Variants in TEX9 observed in about 807,000 individuals in gnomAD.
The protein encoded by TEX9 is testis expressed 9.
Under a neutral mutation model 59.6 loss-of-function variants are expected in TEX9, and 74 were observed. That is an observed-to-expected ratio of 1.24 (90% CI 1.03 to 1.51). The LOEUF (loss-of-function observed/expected upper bound fraction) is 1.51. Ranked by LOEUF, TEX9 falls within the 40% of genes most tolerant of loss-of-function variation. The pLI, the probability that TEX9 is intolerant of heterozygous loss-of-function variation, is 0.00. For synonymous variants in TEX9, 186 were observed against 152.2 expected (o/e 1.22, Z -1.64); for missense variants, 522 against 447.8 (o/e 1.17, Z -1.49).
chr15:56,337,161 A>T (rs2046272877), intron 1 of TEX9, among the ~76,000 whole-genome samples: 1 of 152,146 alleles, frequency 6.6e-6, no homozygotes, highest in African/African-American at 2.4e-5. Flanking sequence ...TCCTGACATT[A>T]CACTTCATCC....
At chr15:56,267,444 G>T (rs1159555264) in intron 1 of TEX9, among the ~76,000 whole-genome samples, 3 of 152,072 alleles carry the variant, frequency 2.0e-5, no homozygotes, top group Non-Finnish European at 4.4e-5. Context: ...TTTCTTCTAG[G>T]GATTGTATAG....
At chr15:56,340,877 T>C (rs534820750) in intron 1 of TEX9, among the ~76,000 whole-genome samples, 8 of 152,270 alleles carry the variant, frequency 5.3e-5, no homozygotes, top group Non-Finnish European at 1.0e-4. Context: ...TTCTGCATAT[T>C]CTTCAAGCAA....
chr15:56,407,646 T>C (rs1290063792), intron 9 of TEX9, among the ~76,000 whole-genome samples: 1 of 152,172 alleles, frequency 6.6e-6, no homozygotes, highest in Non-Finnish European at 1.5e-5. Context: ...ATCTCAGGTA[T>C]AATGCATTTG....
chr15:56,451,933 A>G, the TEX9 span, among the ~76,000 whole-genome samples: 1 of 152,316 alleles, frequency 6.6e-6, no homozygotes, highest in South Asian at 2.1e-4. Context: ...AGAAAATACT[A>G]TGTATAAATT....
Position 56,418,212 on chromosome 15 carries a change from G to A in TEX9, c.963+5776G>A, listed in dbSNP as rs192940144. Among the ~76,000 whole-genome samples the A allele has an allele frequency of 1.5e-3, 228 of 151,860 alleles. 9 individuals carry two copies. The highest frequency in any genetic ancestry group is 5.1e-3 in the African/African-American group (211 of 41,200). On this transcript the variant is annotated intron_variant, in intron 10 of 12. Coordinates refer to ENST00000352903, the Ensembl canonical transcript of TEX9. ...AGTATTAATATGTGTGGATTTGATC[G>A]TGCTGTTGTGCTGTTAGCTGGTTAT...
intron 1 of TEX9, among the ~76,000 whole-genome samples, chr15:56,267,418 A>G (rs529517118): frequency 6.6e-6 from 1 of 152,176 alleles, no homozygotes; most frequent in African/African-American, 2.4e-5. Context: ...TATGTCCTGA[A>G]TGGTATTGCC....
At chr15:56,381,093 A>G (rs1275578705) in intron 3 of TEX9, among the ~76,000 whole-genome samples, 1 of 151,966 alleles carries the variant, frequency 6.6e-6, no homozygotes, top group East Asian at 1.9e-4. Flanking sequence ...TCTTGTAGGC[A>G]TGCTTCATTC....
At position 56,413,995 on chromosome 15, in the gene TEX9, C is replaced by T. The variant is rs188411601; in HGVS notation, c.963+1559C>T. On this transcript the variant is annotated intron_variant, in intron 10 of 12. Transcript: ENST00000352903. Reference sequence around the variant, plus strand: ...TGGGATTTATTAATAGAAGTTATTACATGAACAAGTTAGGAAGTCATCTTT... The same window carrying T: ...TGGGATTTATTAATAGAAGTTATTATATGAACAAGTTAGGAAGTCATCTTT... Among the ~76,000 whole-genome samples, 48 of 151,864 alleles carry T rather than the reference C, an allele frequency of 3.2e-4. 4 individuals are homozygous for T. The highest frequency in any genetic ancestry group is 1.0e-3 in the African/African-American group (43 of 41,262).
chr15:56,308,423 G>A (rs1468231495), intron 1 of TEX9, among the ~76,000 whole-genome samples: 1 of 152,042 alleles, frequency 6.6e-6, no homozygotes, highest in Non-Finnish European at 1.5e-5. Context: ...TTGGTGTTTT[G>A]TTGAGTTGTA....
chr15:56,402,486 C>G (rs1287553185), intron 9 of TEX9, among the ~76,000 whole-genome samples: 3 of 152,074 alleles, frequency 2.0e-5, no homozygotes, highest in Non-Finnish European at 4.4e-5. Context: ...GAAATTGAGG[C>G]AATAATTAAT....
At chr15:56,424,056 G>C (rs1345300132) in intron 10 of TEX9, among the ~76,000 whole-genome samples, 8 of 152,062 alleles carry the variant, frequency 5.3e-5, no homozygotes, top group Admixed American at 5.2e-4. Flanking sequence ...CTTCCATCCG[G>C]TGATTCTATT....
chr15:56,273,322 G>A (rs1474179213), intron 1 of TEX9, among the ~76,000 whole-genome samples: 2 of 152,062 alleles, frequency 1.3e-5, no homozygotes, highest in Non-Finnish European at 2.9e-5. Flanking sequence ...TTTAGTGGTT[G>A]ACATAGAATT....
At chr15:56,341,024 A>T (rs750841129) in intron 1 of TEX9, among the ~76,000 whole-genome samples, 32 of 152,056 alleles carry the variant, frequency 2.1e-4, no homozygotes, top group Non-Finnish European at 3.2e-4. Flanking sequence ...TATTACTCCC[A>T]TCTTGGGGCC....
At chr15:56,245,449 G>T (rs1199593372) in intron 1 of TEX9, among the ~76,000 whole-genome samples, 1 of 152,128 alleles carries the variant, frequency 6.6e-6, no homozygotes, top group Non-Finnish European at 1.5e-5. Context: ...ATACTCTAAG[G>T]TCTCTATTAG....
intron 1 of TEX9, among the ~76,000 whole-genome samples, chr15:56,274,056 T>C (rs138977645): frequency 5.3e-5 from 8 of 152,280 alleles, no homozygotes; most frequent in East Asian, 1.9e-4. Flanking sequence ...TTCTTTCTTT[T>C]CTCTGTCATT....
chr15:56,369,631 T>TA (rs2141993243), intron 2 of TEX9, among the ~76,000 whole-genome samples: 1 of 152,262 alleles, frequency 6.6e-6, no homozygotes, highest in East Asian at 1.9e-4. Flanking sequence ...TAGTTTATTT[T>TA]AAATTGCATT....
At chr15:56,434,332 C>T in intron 12 of TEX9, 1 of 1,613,616 alleles carries the variant, frequency 6.2e-7, no homozygotes. Context: ...TCCTTCAAGG[C>T]CATTTGTTCT....
At chr15:56,252,714 G>T (rs2044053922) in intron 1 of TEX9, among the ~76,000 whole-genome samples, 1 of 152,098 alleles carries the variant, frequency 6.6e-6, no homozygotes, top group Non-Finnish European at 1.5e-5. Context: ...GGGCAGATGA[G>T]GCTTGAGGCT....
At chr15:56,444,534 T>C (rs867909947) in intron 12 of TEX9, 1 of 1,612,714 alleles carries the variant, frequency 6.2e-7, no homozygotes, top group East Asian at 2.2e-5. Context: ...CTTTTTTTTT[T>C]CTTGTTCTTC....
Sources: allele counts gnomAD v4.1 joint callset (sites outside exome capture counted in the v4.1 genomes callset), GRCh38; gene constraint gnomAD v4.1.1; transcripts MANE v1.5; gene names NCBI Gene and HGNC (gene_info 2026-07-23, HGNC 2026-07-21).